Variants in NUP214 observed in about 807,000 individuals in gnomAD.
NUP214 encodes the protein nuclear pore complex protein Nup214.
In NUP214, 79 loss-of-function variants were observed where a neutral mutation model predicts 196.2. That is an observed-to-expected ratio of 0.40 (90% CI 0.34 to 0.49). The LOEUF (loss-of-function observed/expected upper bound fraction) is 0.49, where lower values mean the gene tolerates loss of function less well. Ranked by LOEUF, NUP214 falls within the 20% of genes least tolerant of loss-of-function variation. The pLI is 0.58. For missense variants in NUP214, 2,468 were observed against 2,539.0 expected, an observed-to-expected ratio of 0.97 and a Z score of 0.60; for synonymous variants, 1,020 against 990.5, an observed-to-expected ratio of 1.03 and a Z score of -0.56.
At chr9:131,159,321 A>G in intron 17 of NUP214, 62 bp from the exon 18 acceptor site, 2 of 1,150,040 alleles carry the variant, frequency 1.7e-6, no homozygotes, top group South Asian at 2.6e-5. Context: ...GACTGTTTTG[A>G]TACATCTTCC....
chr9:131,225,710 A>C (rs1834701466), intron 32 of NUP214, among the ~76,000 whole-genome samples: 1 of 152,172 alleles, frequency 6.6e-6, no homozygotes. Context: ...AGGGGACTGG[A>C]AGTCCCGAGC....
In NUP214 at chr9:131,197,584, A is replaced by AAGACGTC; in HGVS notation, c.4093_4099dup (p.Gly1367AspfsTer9). On this transcript the variant is annotated frameshift_variant, in exon 29 of 36. Coordinates refer to ENST00000359428, the MANE Select transcript of NUP214 (RefSeq NM_005085.4). LOFTEE classifies it high-confidence loss of function. ...AAGCCTAACTAGTACCCAGCCAACCAAGACGTCAGGCGTGCCCTCAGGGTT... is the reference window on the plus strand; with the variant it reads ...AAGCCTAACTAGTACCCAGCCAACCAAGACGTCAGACGTCAGGCGTGCCCTCAGGGTT... The AAGACGTC allele has an allele frequency of 6.2e-7, 1 of 1,614,154 alleles. No homozygotes were observed. The highest frequency in any genetic ancestry group is 8.5e-7 in the Non-Finnish European group (1 of 1,180,012).
intron 7 of NUP214, among the ~76,000 whole-genome samples, chr9:131,134,331 A>G (rs930577871): frequency 6.6e-6 from 1 of 152,206 alleles, no homozygotes. Context: ...CGTGTTAGGG[A>G]TAGATGATGA....
At chr9:131,164,763 A>C (rs1832737112) in intron 21 of NUP214, 1 of 152,186 alleles carries the variant, frequency 6.6e-6, no homozygotes, top group South Asian at 2.1e-4. Flanking sequence ...AAAAATACTT[A>C]CTTAAAAATA....
At chr9:131,188,882 A>T (rs894339541) in intron 25 of NUP214, among the ~76,000 whole-genome samples, 171 bp from the exon 26 acceptor site, 1 of 152,188 alleles carries the variant, frequency 6.6e-6, no homozygotes, top group African/African-American at 2.4e-5. Flanking sequence ...CATATGGTTA[A>T]CTTAAATTGA....
rs757863867 is a variant in NUP214, at chr9:131,197,397, T to C, written c.3903T>C (p.Thr1301=). 1.9e-6 allele frequency: 3 copies of C among 1,614,188 alleles called. No individual in the cohort carries two copies. The South Asian group carries it at 3.3e-5, about 18-fold the overall frequency. The change falls in exon 29 of 36, where the codon ACT becomes ACC. Residue 1301 remains threonine, a synonymous_variant. Coordinates refer to ENST00000359428, the MANE Select transcript of NUP214 (RefSeq NM_005085.4). ...GCAGACCTGTGGCACCTTCTGGAAC[T>C]GCTCTTTCCACCACCTCTAGTAAGC... ...SSSRPVAPSG[T]ALSTTSSKLE... is the part of the protein sequence containing the mutation.
At chr9:131,138,930 G>A (rs1200169675) in intron 9 of NUP214, among the ~76,000 whole-genome samples, 1 of 152,194 alleles carries the variant, frequency 6.6e-6, no homozygotes, top group East Asian at 1.9e-4. Context: ...TAGTGCTGCT[G>A]TTGGATTTGT....
At chr9:131,196,059 T>C (rs1174439394) in intron 28 of NUP214, among the ~76,000 whole-genome samples, 2 of 90,790 alleles carry the variant, frequency 2.2e-5, no homozygotes, top group African/African-American at 8.4e-5. Flanking sequence ...AATCCATCAA[T>C]AGCATGTTTT....
At chr9:131,216,153 G>A (rs780325864) in intron 31 of NUP214, among the ~76,000 whole-genome samples, 19 of 150,740 alleles carry the variant, frequency 1.3e-4, no homozygotes, top group Non-Finnish European at 2.1e-4. Context: ...GCCTCCCAAA[G>A]TGCTGGGATT....
intron 32 of NUP214, among the ~76,000 whole-genome samples, chr9:131,227,434 G>A (rs1009394673): frequency 6.6e-6 from 1 of 151,944 alleles, no homozygotes; most frequent in Non-Finnish European, 1.5e-5. Flanking sequence ...GAAATTTGGT[G>A]TGTTTTTTCA....
At chr9:131,218,737 A>G (rs1428088594) in intron 31 of NUP214, among the ~76,000 whole-genome samples, 1 of 151,968 alleles carries the variant, frequency 6.6e-6, no homozygotes, top group Non-Finnish European at 1.5e-5. Flanking sequence ...TCCTACTCAA[A>G]CCCTTGGGCA....
At chr9:131,160,218 T>A (rs952482312) in intron 18 of NUP214, among the ~76,000 whole-genome samples, 1 of 152,074 alleles carries the variant, frequency 6.6e-6, no homozygotes, top group African/African-American at 2.4e-5. Context: ...ATATAAAAAT[T>A]TAATAAGTAA....
chr9:131,217,223 G>A (rs1834427694), intron 31 of NUP214, among the ~76,000 whole-genome samples: 1 of 152,142 alleles, frequency 6.6e-6, no homozygotes, highest in Non-Finnish European at 1.5e-5. Context: ...TGATGTCACT[G>A]TCCACTCCAC....
chr9:131,160,011 A>T (rs1005649744), intron 18 of NUP214, among the ~76,000 whole-genome samples: 1 of 152,198 alleles, frequency 6.6e-6, no homozygotes, highest in African/African-American at 2.4e-5. Flanking sequence ...ATGATAGTGA[A>T]AAATTGGATT....
At chr9:131,192,171 T>TTC in intron 26 of NUP214, 37 bp from the exon 27 acceptor site, 1 of 585,792 alleles carries the variant, frequency 1.7e-6, no homozygotes, top group Non-Finnish European at 2.6e-6. Flanking sequence ...GTAATATTCT[T>TTC]TTTTTTTTTT....
At chr9:131,215,098 AATC>A (rs1834352761) in intron 30 of NUP214, 111 bp from the exon 31 acceptor site, 1 of 918,252 alleles carries the variant, frequency 1.1e-6, no homozygotes, top group Non-Finnish European at 1.6e-6. Flanking sequence ...TACCAGAACT[AATC>A]TTGCTTTTTC....
rs1422368275 is a variant in NUP214, at chr9:131,230,667, C to G, written c.6112C>G (p.Leu2038Val). The stretch of plus-strand genomic sequence containing the variant: ...CAGCAACACCACATCCTTCGGCACG[C>G]TCGCGAGTCAGAATGCCCCCACTTT... ...SSSNTTSFGT[L>V]ASQNAPTFGS... The change falls in exon 34 of 36, where the codon CTC becomes GTC. Residue 2038 changes from leucine to valine, a missense_variant. Physicochemically the swap from Leu to Val is conservative, Grantham distance 32 (BLOSUM62 1). This residue lies in a region of NUP214 where 262 missense variants were observed against 296.5 expected (regional missense o/e 0.88). Coordinates refer to ENST00000359428, the MANE Select transcript of NUP214 (RefSeq NM_005085.4). The G allele has an allele frequency of 6.2e-7, 1 of 1,614,154 alleles. No homozygotes were observed. The highest frequency in any genetic ancestry group is 1.1e-5 in the South Asian group (1 of 91,084).
At chr9:131,184,867 T>G (rs1833407055) in intron 24 of NUP214, among the ~76,000 whole-genome samples, 1 of 152,238 alleles carries the variant, frequency 6.6e-6, no homozygotes, top group African/African-American at 2.4e-5. Flanking sequence ...GAATTGAATA[T>G]AGAGTGTTTG....
chr9:131,145,998 A>T (rs1353866680), intron 12 of NUP214, 131 bp from the exon 13 acceptor site: 7 of 869,058 alleles, frequency 8.1e-6, no homozygotes, highest in Non-Finnish European at 1.2e-5. Flanking sequence ...TGTTTCCTGA[A>T]GGCAAAAAGT....
Sources: gnomAD v4.1 joint callset for allele counts (sites outside exome capture counted in the v4.1 genomes callset) on GRCh38, gnomAD v4.1.1 for gene constraint, gnomAD v4.1.1 regional missense constraint, MANE v1.5 for transcripts, NCBI Gene and HGNC (gene_info 2026-07-23, HGNC 2026-07-21) for gene names.